MGA: variants seen among roughly 807,000 people sequenced by gnomAD.
MGA encodes MAX gene-associated protein.
In MGA, 40 loss-of-function variants were observed where a neutral mutation model predicts 261.1. That is an observed-to-expected ratio of 0.15 (90% CI 0.12 to 0.20). MGA has a LOEUF of 0.20. Ranked by LOEUF, MGA falls within the 10% of genes least tolerant of loss-of-function variation. MGA has a pLI of 1.00. For missense variants in MGA, 3,397 were observed against 3,630.5 expected, an observed-to-expected ratio of 0.94 and a Z score of 1.65; for synonymous variants, 1,302 against 1,290.6, an observed-to-expected ratio of 1.01 and a Z score of -0.19.
At chr15:41,705,905 G>T (rs2060084562) in intron 5 of MGA, among the ~76,000 whole-genome samples, 1 of 152,138 alleles carries the variant, frequency 6.6e-6, no homozygotes, top group African/African-American at 2.4e-5. Context: ...TGTTTTATTT[G>T]ATTGATGTTT....
At chr15:41,647,807 A>G (rs552460464) in intron 1 of MGA, among the ~76,000 whole-genome samples, 1 of 152,014 alleles carries the variant, frequency 6.6e-6, no homozygotes, top group African/African-American at 2.4e-5. Flanking sequence ...ATGGTTCCTA[A>G]ATATTTTGGG....
chr15:41,651,645 T>TCTTCTCTCCTCTCCCC (rs2057049892), intron 1 of MGA, among the ~76,000 whole-genome samples: 1 of 112,428 alleles, frequency 8.9e-6, no homozygotes, highest in Non-Finnish European at 1.8e-5. Flanking sequence ...TCCTCTCCCC[T>TCTTCTCTCCTCTCCCC]CTCCTCTCCC....
In MGA at chr15:41,727,354, T is replaced by C. The variant is rs781380905; in HGVS notation, c.3605T>C (p.Leu1202Pro). Residue 1202 changes from leucine (L) to proline (P), a missense_variant, in exon 10 of 24, where the codon CTG becomes CCG. Physicochemically the swap from Leu to Pro is moderately conservative, Grantham distance 98 (BLOSUM62 -3). Coordinates refer to ENST00000219905, the MANE Select transcript of MGA (RefSeq NM_001164273.2). ...TTATCTCCTACTGTGAAGGGCAAAC[T>C]GCTCACTGGAATTAAATCTCCACGG... 1.2e-6 allele frequency: 2 copies of C among 1,613,914 alleles called. No homozygotes were observed. The highest frequency in any genetic ancestry group is 1.7e-5 in the Admixed American group (1 of 59,998).
In MGA at chr15:41,760,649, A is replaced by G. The variant is rs2063399967; in HGVS notation, c.7398+120A>G. On this transcript the variant is annotated intron_variant, in intron 20 of 23. Transcript: ENST00000219905. ...AAATAGAGCTGCTTAAATGTAACAG[A>G]TGAATATGGACTAGTGAATGCCCAG... is the stretch of plus-strand genomic sequence containing the variant. The G allele has an allele frequency of 6.5e-6, 6 of 923,312 alleles. No individual in the cohort carries two copies. The East Asian group carries it at 7.8e-5, about 12-fold the overall frequency. The allele number at this position is 923,312 out of a possible 1,614,324, so 57.2% of individuals were successfully genotyped here.
intron 2 of MGA, among the ~76,000 whole-genome samples, chr15:41,694,532 C>CT (rs145618716): frequency 2.7e-4 from 39 of 143,988 alleles, no homozygotes; most frequent in African/African-American, 7.6e-4. Flanking sequence ...GGCTTTTTTT[C>CT]TTTTTTTTTT....
chr15:41,639,435 T>C (rs1248336432), intron 1 of MGA, among the ~76,000 whole-genome samples: 1 of 152,088 alleles, frequency 6.6e-6, no homozygotes, highest in African/African-American at 2.4e-5. Flanking sequence ...CCTCACAAGC[T>C]GATGGTTAAT....
intron 9 of MGA, among the ~76,000 whole-genome samples, chr15:41,714,148 A>G (rs1475736702): frequency 6.6e-6 from 1 of 152,148 alleles, no homozygotes; most frequent in African/African-American, 2.4e-5. Context: ...CAGGGGATTA[A>G]TACTCCTTTT....
At chr15:41,723,330 T>G (rs190288434) in intron 9 of MGA, among the ~76,000 whole-genome samples, 1 of 152,280 alleles carries the variant, frequency 6.6e-6, no homozygotes, top group East Asian at 1.9e-4. Flanking sequence ...GTTCTTGCCT[T>G]TGTAGGGAGC....
chr15:41,696,046 T>A, intron 2 of MGA, 29 bp from the exon 3 acceptor site: 1 of 1,493,308 alleles, frequency 6.7e-7, no homozygotes, highest in East Asian at 2.3e-5. Flanking sequence ...TTTGTACTTT[T>A]AAAATCCCTT....
intron 1 of MGA, among the ~76,000 whole-genome samples, chr15:41,651,671 C>T (rs59101156): frequency 9.0e-5 from 8 of 88,408 alleles, no homozygotes; most frequent in East Asian, 3.7e-4. Context: ...CCTTCTCCTC[C>T]CCATTCCCCC....
intron 1 of MGA, among the ~76,000 whole-genome samples, chr15:41,622,703 G>C (rs1344763066): frequency 1.3e-5 from 2 of 152,120 alleles, no homozygotes; most frequent in Non-Finnish European, 1.5e-5. Flanking sequence ...AGAAGTCTTC[G>C]TTTCCACTTG....
intron 13 of MGA, among the ~76,000 whole-genome samples, chr15:41,738,848 G>A (rs908944650): frequency 5.3e-5 from 8 of 152,060 alleles, no homozygotes; most frequent in African/African-American, 1.9e-4. Context: ...CCAAACTCAA[G>A]GCAGAGATAT....
Position 41,711,151 on chromosome 15 carries a change from T to C in MGA, c.2886T>C (p.Asn962=), listed in dbSNP as rs1239359794. Residue 962 remains asparagine, a synonymous_variant, in exon 8 of 24, where the codon AAT becomes AAC. Transcript: ENST00000219905. ...TTGTTGTGCCAACTTTGGATGAAAA[T>C]ATATTTCCAAAGCAGATTAGTTTGC... 1.2e-6 allele frequency: 2 copies of C among 1,613,880 alleles called. No individual in the cohort carries two copies. Among genetic ancestry groups the C allele is most frequent in the Admixed American group, 1.7e-5 (1 of 59,988 alleles).
intron 2 of MGA, among the ~76,000 whole-genome samples, chr15:41,678,451 T>C (rs2058497158): frequency 6.6e-6 from 1 of 151,368 alleles, no homozygotes; most frequent in African/African-American, 2.4e-5. Flanking sequence ...GTGTATCCAG[T>C]TTCCCGTCAC....
In MGA at chr15:41,630,443, G is replaced by A. The variant is rs574711514; in HGVS notation, c.-68+9145G>A. 2.6e-5 allele frequency among the ~76,000 whole-genome samples: 4 copies of A among 152,248 alleles called. No homozygotes were observed. The East Asian group carries it at 7.7e-4, about 29-fold the overall frequency. On this transcript the variant is annotated intron_variant, in intron 1 of 8. Transcript: ENST00000566718. The stretch of plus-strand genomic sequence containing the variant: ...TGCTTAATCATAATGCATTGAAAAA[G>A]TTTAAAAGTTTTGCTTTGGCCAAAG...
At chr15:41,624,239 ATT>A (rs879798959) in intron 1 of MGA, among the ~76,000 whole-genome samples, 2 of 138,514 alleles carry the variant, frequency 1.4e-5, no homozygotes, top group African/African-American at 2.7e-5. Context: ...TAATTTTTGT[ATT>A]TTTTTTTTTT....
At chr15:41,749,087 T>A in intron 16 of MGA, 24 bp from the exon 17 acceptor site, 4 of 1,586,640 alleles carry the variant, frequency 2.5e-6, no homozygotes, top group Non-Finnish European at 3.4e-6. Flanking sequence ...GATTTAAAAA[T>A]TTCTCTCTTA....
chr15:41,708,652 T>G (rs1226594213), intron 7 of MGA, among the ~76,000 whole-genome samples: 1 of 152,198 alleles, frequency 6.6e-6, no homozygotes, highest in Non-Finnish European at 1.5e-5. Flanking sequence ...AAAATACTTG[T>G]CTTGCTGTTT....
In MGA at chr15:41,696,937, C is replaced by T; in HGVS notation, c.1927C>T (p.Pro643Ser). ...GTCTTTAATTTCTACAAAGAATACA[C>T]CTGTAAGCCCTGGGAGTACCTTTCC... The change falls in exon 3 of 24, where the codon CCT (proline) becomes TCT (serine). Residue 643 changes from proline (P) to serine (S), a missense_variant. Physicochemically the swap from Pro to Ser is moderately conservative, Grantham distance 74 (BLOSUM62 -1). Around this residue, in one of 9 missense-constraint regions of MGA, gnomAD observed 563 missense variants for 563.6 expected, o/e 1.00. Transcript: ENST00000219905. The T allele has an allele frequency of 6.2e-7, 1 of 1,603,458 alleles. No homozygotes were observed. The highest frequency in any genetic ancestry group is 8.5e-7 in the Non-Finnish European group (1 of 1,174,618).
Sources: gnomAD v4.1 joint callset for allele counts (sites outside exome capture counted in the v4.1 genomes callset) on GRCh38, gnomAD v4.1.1 for gene constraint, gnomAD v4.1.1 regional missense constraint, MANE v1.5 for transcripts, NCBI Gene and HGNC (gene_info 2026-07-23, HGNC 2026-07-21) for gene names.